The following PRUNE2 variants were observed in gnomAD, a reference collection of about 807,000 sequenced individuals.
The protein encoded by PRUNE2 is prune homolog 2 with BCH domain.
A neutral mutation model predicts 252.0 loss-of-function variants in PRUNE2; 164 were observed. The observed-to-expected ratio is 0.65, with a 90% CI of 0.57 to 0.74. The LOEUF is 0.74. Ranked by LOEUF, PRUNE2 falls within the 30% of genes least tolerant of loss-of-function variation. The pLI is 0.00. For missense variants in PRUNE2, 3,495 were observed against 3,711.0 expected, an observed-to-expected ratio of 0.94 and a Z score of 1.51; for synonymous variants, 1,292 against 1,350.2, an observed-to-expected ratio of 0.96 and a Z score of 0.94.
At chr9:76,836,696 A>G (rs2058999232) in intron 4 of PRUNE2, among the ~76,000 whole-genome samples, 1 of 152,204 alleles carries the variant, frequency 6.6e-6, no homozygotes, top group African/African-American at 2.4e-5. Flanking sequence ...AGCTATTGTA[A>G]GAAGTATTAA....
At chr9:76,742,443 T>A (rs534346740) in intron 6 of PRUNE2, among the ~76,000 whole-genome samples, 84 of 152,138 alleles carry the variant, frequency 5.5e-4, no homozygotes, top group Non-Finnish European at 1.0e-3. Context: ...AGTGAGACCT[T>A]GTCTAGACAA....
intron 6 of PRUNE2, among the ~76,000 whole-genome samples, chr9:76,724,482 C>A (rs567198173): frequency 6.6e-5 from 10 of 151,692 alleles, no homozygotes; most frequent in Non-Finnish European, 1.5e-4. Context: ...GTCACACAGA[C>A]ACACACAAAA....
chr9:76,735,944 T>A (rs1308967464), intron 6 of PRUNE2, among the ~76,000 whole-genome samples: 7 of 152,338 alleles, frequency 4.6e-5, no homozygotes, highest in African/African-American at 1.7e-4. Context: ...TTTACATGCG[T>A]CATTTGTTCT....
intron 1 of PRUNE2, among the ~76,000 whole-genome samples, chr9:76,897,178 A>G (rs1056264228): frequency 1.3e-5 from 2 of 152,138 alleles, no homozygotes; most frequent in Admixed American, 1.3e-4. Flanking sequence ...CAGCGTGAAC[A>G]ATATATGTGC....
At chr9:76,770,068 C>A (rs1289554422) in intron 6 of PRUNE2, among the ~76,000 whole-genome samples, 1 of 152,188 alleles carries the variant, frequency 6.6e-6, no homozygotes. Flanking sequence ...AATATCAGGA[C>A]CTTGCCAATT....
At chr9:76,901,563 T>C (rs534147530) in intron 1 of PRUNE2, among the ~76,000 whole-genome samples, 1 of 152,364 alleles carries the variant, frequency 6.6e-6, no homozygotes, top group African/African-American at 2.4e-5. Flanking sequence ...TCAGGAAGAA[T>C]ATATGCCTTC....
chr9:76,817,997 A>C (rs968501348), intron 6 of PRUNE2, among the ~76,000 whole-genome samples: 13 of 152,220 alleles, frequency 8.5e-5, no homozygotes, highest in African/African-American at 2.9e-4. Context: ...TCATCTTTTC[A>C]AAATATTTCA....
chr9:76,826,471 T>C (rs1295106072), intron 5 of PRUNE2, 109 bp downstream of exon 5: 2 of 862,206 alleles, frequency 2.3e-6, no homozygotes, highest in Admixed American at 5.2e-5. Flanking sequence ...AGACTCTGTA[T>C]AAAAAACAAA....
intron 18 of PRUNE2, among the ~76,000 whole-genome samples, chr9:76,617,843 T>C (rs992592604): frequency 1.3e-5 from 2 of 152,294 alleles, no homozygotes; most frequent in Admixed American, 6.5e-5. Context: ...GGGCCAGCCA[T>C]TGGCTGGGCT....
intron 8 of PRUNE2, 26 bp from the exon 9 acceptor site, chr9:76,704,125 AGAG>A: frequency 6.5e-7 from 1 of 1,534,536 alleles, no homozygotes; most frequent in Non-Finnish European, 8.8e-7. Context: ...GAAAGTGAGA[AGAG>A]GAGAAAAAGG....
At chr9:76,687,759 A>G (rs2044252095) in intron 9 of PRUNE2, 1 of 208,296 alleles carries the variant, frequency 4.8e-6, no homozygotes. Context: ...TTCTGCTCTC[A>G]GAGAATTTAA....
rs964523988 is a variant in PRUNE2, at chr9:76,805,498, G to A, written c.756+18134C>T. 3.3e-5 allele frequency among the ~76,000 whole-genome samples: 5 copies of A among 152,280 alleles called. 1 individual carries two copies. The South Asian group carries it at 8.3e-4, about 25-fold the overall frequency. On this transcript the variant is annotated intron_variant, in intron 6 of 18. Transcript: ENST00000376718. The stretch of plus-strand genomic sequence containing the variant: ...AATTAGCTGCTACTCAGAAGGTTGA[G>A]GTGGGAAGATCGTCTGAGCCTGGGA...
At chr9:76,644,537 A>G in intron 12 of PRUNE2, 1 of 682,572 alleles carries the variant, frequency 1.5e-6, no homozygotes. Flanking sequence ...TATATTGGAA[A>G]GTTGTCTTTG....
At chr9:76,854,861 G>A (rs1247790655) in intron 1 of PRUNE2, among the ~76,000 whole-genome samples, 1 of 151,628 alleles carries the variant, frequency 6.6e-6, no homozygotes, top group Non-Finnish European at 1.5e-5. Context: ...TCAGGAGATC[G>A]AGATCATCTT....
chr9:76,732,909 A>T (rs1247454399), intron 6 of PRUNE2, among the ~76,000 whole-genome samples: 4 of 152,214 alleles, frequency 2.6e-5, no homozygotes, highest in African/African-American at 9.7e-5. Context: ...AAAGGCCACC[A>T]ACAGACCACC....
intron 18 of PRUNE2, chr9:76,615,088 T>C: frequency 1.0e-6 from 1 of 987,048 alleles, no homozygotes; most frequent in Non-Finnish European, 1.2e-6. Flanking sequence ...CTGAAAGGGG[T>C]TAGCCTACCT....
intron 5 of PRUNE2, 115 bp from the exon 6 acceptor site, chr9:76,823,841 T>C (rs1465733475): frequency 7.6e-6 from 5 of 656,964 alleles, no homozygotes; most frequent in Admixed American, 7.5e-5. Flanking sequence ...GCCCCTCAAA[T>C]GTCACTTTTA....
At chr9:76,783,705 G>C (rs531860042) in intron 6 of PRUNE2, 1 of 152,262 alleles carries the variant, frequency 6.6e-6, no homozygotes, top group East Asian at 1.9e-4. Context: ...GTATTTCCAG[G>C]TGAGAAATAA....
At chr9:76,878,727 T>TA (rs1325138757) in intron 1 of PRUNE2, among the ~76,000 whole-genome samples, 1 of 152,072 alleles carries the variant, frequency 6.6e-6, no homozygotes, top group African/African-American at 2.4e-5. Flanking sequence ...TTCTAAAACT[T>TA]AAAAAAATCC....
Sources: gnomAD v4.1 joint callset for allele counts (sites outside exome capture counted in the v4.1 genomes callset) on GRCh38, gnomAD v4.1.1 for gene constraint, MANE v1.5 for transcripts, NCBI Gene and HGNC (gene_info 2026-07-23, HGNC 2026-07-21) for gene names.